Variants in TTC13 observed in about 807,000 individuals in gnomAD.
TTC13 encodes the protein tetratricopeptide repeat domain 13.
Under a neutral mutation model 120.0 loss-of-function variants are expected in TTC13, and 62 were observed. The ratio of observed to expected loss-of-function variants is 0.52; its 90% CI spans 0.42 to 0.64. The LOEUF is 0.64. TTC13 is among the 30% of genes least tolerant of loss of function. The pLI is 0.00. For synonymous variants in TTC13, 384 were observed against 393.5 expected, an observed-to-expected ratio of 0.98 and a Z score of 0.28; for missense variants, 824 against 1,050.2, an observed-to-expected ratio of 0.78 and a Z score of 2.98.
intron 19 of TTC13, 40 bp from the exon 20 acceptor site, chr1:230,911,589 T>TTAGTTTGTAATCTTTA: frequency 2.2e-6 from 3 of 1,351,604 alleles, no homozygotes; most frequent in African/African-American, 1.5e-5. Context: ...ACTATAAAGA[T>TTAGTTTGTAATCTTTA]TACAAACTAA....
At chr1:230,974,518 C>T (rs1421077746) in intron 1 of TTC13, among the ~76,000 whole-genome samples, 3 of 152,198 alleles carry the variant, frequency 2.0e-5, no homozygotes, top group Non-Finnish European at 4.4e-5. Flanking sequence ...TAACATGCTA[C>T]AGGTCTGTAG....
At chr1:230,971,910 A>C (rs962830633) in intron 1 of TTC13, among the ~76,000 whole-genome samples, 10 of 152,246 alleles carry the variant, frequency 6.6e-5, no homozygotes, top group Admixed American at 2.0e-4. Context: ...ACATACTTTT[A>C]AGAGCTAAAA....
Position 230,916,232 on chromosome 1 carries a change from T to C in TTC13, c.2054A>G (p.Lys685Arg), listed in dbSNP as rs764050903. ...TKVPSLKDQG[K>R]EYDGFTITIT... ...CGTGATTGTGAATCCATCATATTCC[T>C]TCCCTTGGTCTTTAAGGCTGGGAAC... The change falls in exon 18 of 23, where the codon AAG (lysine) becomes AGG (arginine). Residue 685 changes from lysine (K) to arginine (R), a missense_variant. Around this residue, in one of 4 missense-constraint regions of TTC13, gnomAD observed 226 missense variants for 259.1 expected, o/e 0.87. Transcript: ENST00000366661. 1.2e-6 allele frequency: 2 copies of C among 1,614,030 alleles called. No homozygotes were observed. Among genetic ancestry groups the C allele is most frequent in the East Asian group, 2.2e-5 (1 of 44,902 alleles).
At chr1:230,923,786 G>T in intron 15 of TTC13, 55 bp downstream of exon 15, 1 of 1,472,558 alleles carries the variant, frequency 6.8e-7, no homozygotes, top group Non-Finnish European at 9.4e-7. Context: ...TCCATGGCCT[G>T]TGTCTTGAGA....
intron 4 of TTC13, among the ~76,000 whole-genome samples, chr1:230,949,368 A>G (rs1262753566): frequency 9.7e-6 from 1 of 103,126 alleles, no homozygotes; most frequent in African/African-American, 3.4e-5. Flanking sequence ...CAGCTCTTGC[A>G]GCTGGAACAT....
chr1:230,939,235 C>G, intron 8 of TTC13, 151 bp downstream of exon 8: 1 of 471,842 alleles, frequency 2.1e-6, no homozygotes, highest in Non-Finnish European at 3.8e-6. Flanking sequence ...AACCTTTGAT[C>G]CTTTCCCTTT....
intron 18 of TTC13, among the ~76,000 whole-genome samples, chr1:230,915,937 G>A (rs552475549): frequency 6.6e-6 from 1 of 152,032 alleles, no homozygotes; most frequent in South Asian, 2.1e-4. Flanking sequence ...CCAGAAGAAT[G>A]TCTCCCACAA....
chr1:230,908,308 CT>C, intron 22 of TTC13: 1 of 416,706 alleles, frequency 2.4e-6, no homozygotes, highest in Non-Finnish European at 4.7e-6. Flanking sequence ...TCGCTTCAGC[CT>C]CCCAAGTACT....
At chr1:230,951,479 C>T (rs575022440) in intron 4 of TTC13, among the ~76,000 whole-genome samples, 3 of 152,040 alleles carry the variant, frequency 2.0e-5, no homozygotes, top group Non-Finnish European at 4.4e-5. Flanking sequence ...CATTTACTGG[C>T]TTAAAAATAC....
chr1:230,926,710 G>C (rs907402962), intron 12 of TTC13, among the ~76,000 whole-genome samples: 6 of 152,164 alleles, frequency 3.9e-5, no homozygotes, highest in Admixed American at 2.0e-4. Flanking sequence ...GGAGTAGTTC[G>C]AGAACATGCA....
intron 4 of TTC13, among the ~76,000 whole-genome samples, chr1:230,953,853 G>A (rs984116654): frequency 1.3e-5 from 2 of 152,100 alleles, no homozygotes; most frequent in Non-Finnish European, 2.9e-5. Flanking sequence ...ACTTCACTGA[G>A]GAGTCTCATA....
rs1674805715 is a variant in TTC13, at chr1:230,944,516, T to G, written c.580-618A>C. 6.6e-6 allele frequency among the ~76,000 whole-genome samples: 1 copy of G among 152,156 alleles called. No individual in the cohort carries two copies. The highest frequency in any genetic ancestry group is 2.1e-4 in the South Asian group (1 of 4,832). On this transcript the variant is annotated intron_variant, in intron 5 of 22. Coordinates refer to ENST00000366661, the MANE Select transcript of TTC13 (RefSeq NM_024525.5). The surrounding 1 kb of genome is among the most constrained non-coding windows in gnomAD (Gnocchi z 4.0). The stretch of plus-strand genomic sequence containing the variant: ...ATTCATTGATGCTCTGAGTAAAATA[T>G]CATTTCCTTCCTAAGCACTTCCATC...
chr1:230,931,704 C>T, intron 10 of TTC13, 32 bp downstream of exon 10: 1 of 1,609,880 alleles, frequency 6.2e-7, no homozygotes, highest in South Asian at 1.1e-5. Flanking sequence ...CCAGTAATTC[C>T]AATTACAGTG....
At chr1:230,931,599 A>T (rs1673562323) in intron 10 of TTC13, 127 bp from the exon 11 acceptor site, 5 of 1,451,272 alleles carry the variant, frequency 3.4e-6, no homozygotes, top group Non-Finnish European at 3.8e-6. Context: ...ACAGGACAAG[A>T]GCAATGATTT....
intron 3 of TTC13, among the ~76,000 whole-genome samples, chr1:230,957,416 C>T (rs1676195806): frequency 6.6e-6 from 1 of 152,148 alleles, no homozygotes; most frequent in Non-Finnish European, 1.5e-5. Flanking sequence ...CAGCCTGGGC[C>T]ACAGAGCAAG....
intron 19 of TTC13, among the ~76,000 whole-genome samples, chr1:230,911,837 T>C (rs570850539): frequency 2.4e-4 from 37 of 152,318 alleles, no homozygotes; most frequent in African/African-American, 7.9e-4. Context: ...TGTCAAAATA[T>C]ATATTGTGAC....
intron 8 of TTC13, among the ~76,000 whole-genome samples, chr1:230,938,500 A>C (rs1434911590): frequency 6.6e-6 from 1 of 152,128 alleles, no homozygotes; most frequent in African/African-American, 2.4e-5. Flanking sequence ...TTCTGCCCAT[A>C]CTTTCAGTCA....
At chr1:230,971,845 T>A (rs537840354) in intron 1 of TTC13, among the ~76,000 whole-genome samples, 13 of 152,314 alleles carry the variant, frequency 8.5e-5, no homozygotes, top group African/African-American at 2.9e-4. Context: ...AAAGGCCAGT[T>A]ACTTAGCATA....
chr1:230,946,410 A>G (rs1171901602), intron 4 of TTC13, among the ~76,000 whole-genome samples: 1 of 152,248 alleles, frequency 6.6e-6, no homozygotes, highest in Admixed American at 6.5e-5. Flanking sequence ...ATTCACTTCA[A>G]TGATGAGTAA....
Sources: allele counts gnomAD v4.1 joint callset (sites outside exome capture counted in the v4.1 genomes callset), GRCh38; gene constraint gnomAD v4.1.1; regional missense constraint gnomAD v4.1.1; non-coding constraint Gnocchi (gnomAD v3.1); transcripts MANE v1.5; gene names NCBI Gene and HGNC (gene_info 2026-07-23, HGNC 2026-07-21).